The following ZDHHC13 variants were observed in gnomAD, a reference collection of about 807,000 sequenced individuals.
ZDHHC13 encodes the protein palmitoyltransferase ZDHHC13.
ZDHHC13 carries 85 observed loss-of-function variants against 86.0 expected under a neutral mutation model. That is an observed-to-expected ratio of 0.99 (90% CI 0.83 to 1.18). The LOEUF (loss-of-function observed/expected upper bound fraction) is 1.18. Ranked by LOEUF, ZDHHC13 falls within the 50% of genes most tolerant of loss-of-function variation. The pLI is 0.00. For synonymous variants in ZDHHC13, 263 were observed against 246.4 expected (o/e 1.07, Z -0.63); for missense variants, 711 against 730.2 (o/e 0.97, Z 0.30).
intron 16 of ZDHHC13, among the ~76,000 whole-genome samples, chr11:19,175,368 T>C (rs1452206646): frequency 4.3e-4 from 47 of 108,754 alleles, no homozygotes; most frequent in Non-Finnish European, 7.4e-4. Context: ...CCAGCCTGGG[T>C]GACAGAGCGA....
chr11:19,129,358 C>A lies in ZDHHC13; in HGVS notation c.27+12082C>A, dbSNP rs116336107. 6.9e-3 allele frequency among the ~76,000 whole-genome samples: 1,042 copies of A among 152,098 alleles called. 9 individuals carry two copies. The highest frequency in any genetic ancestry group is 0.024 in the African/African-American group (983 of 41,528). On this transcript the variant is annotated intron_variant, in intron 1 of 16. Coordinates refer to ENST00000446113, the MANE Select transcript of ZDHHC13 (RefSeq NM_019028.3). The stretch of plus-strand genomic sequence containing the variant: ...TCTTGGAGTAAAAATGGTCTTGTAC[C>A]ATTCAGTGTGATGGTAGCTGTAGAT...
chr11:19,169,938 C>G, intron 14 of ZDHHC13: 1 of 990,064 alleles, frequency 1.0e-6, no homozygotes, highest in Non-Finnish European at 1.2e-6. Flanking sequence ...TCCCTGCATG[C>G]TATTAGATTG....
intron 4 of ZDHHC13, 27 bp from the exon 5 acceptor site, chr11:19,149,160 G>C: frequency 6.7e-7 from 1 of 1,499,588 alleles, no homozygotes. Flanking sequence ...GCATGCTACA[G>C]AATGGCTTTT....
intron 8 of ZDHHC13, among the ~76,000 whole-genome samples, chr11:19,155,099 G>A (rs1849720150): frequency 6.6e-6 from 1 of 152,154 alleles, no homozygotes; most frequent in Non-Finnish European, 1.5e-5. Flanking sequence ...CAGTGCCCAG[G>A]TTGGAGCTCT....
intron 1 of ZDHHC13, among the ~76,000 whole-genome samples, chr11:19,122,720 A>C (rs1417836508): frequency 1.3e-5 from 2 of 152,148 alleles, no homozygotes; most frequent in Non-Finnish European, 2.9e-5. Context: ...AGAAAAAATA[A>C]ATTTGGTAAA....
chr11:19,121,643 C>A (rs1848760985), intron 1 of ZDHHC13, among the ~76,000 whole-genome samples: 1 of 152,126 alleles, frequency 6.6e-6, no homozygotes, highest in Admixed American at 6.5e-5. Flanking sequence ...TTAGTCTGTT[C>A]TGTTACCTTA....
chr11:19,164,376 A>G lies in ZDHHC13; in HGVS notation c.1296+13A>G. The stretch of plus-strand genomic sequence containing the variant: ...TACATCATGTCTTGTGAGTTTTTTC[A>G]TATAATTTTTTTCCGTAGTGAAAGC... On this transcript the variant is annotated intron_variant, in intron 12 of 16. Coordinates refer to ENST00000446113, the MANE Select transcript of ZDHHC13 (RefSeq NM_019028.3). 1 of 1,611,380 alleles carries G rather than the reference A, an allele frequency of 6.2e-7. No homozygotes were observed. Among genetic ancestry groups the G allele is most frequent in the Non-Finnish European group, 8.5e-7 (1 of 1,178,606 alleles).
chr11:19,176,350 T>C lies in ZDHHC13; in HGVS notation c.*390T>C, dbSNP rs1405358373. On this transcript the variant is annotated 3_prime_UTR_variant, in exon 17 of 17. Coordinates refer to ENST00000446113, the MANE Select transcript of ZDHHC13 (RefSeq NM_019028.3). ...TTTGTCTTTGTTGTATCTATAAATATGTAAAAAATATTTAAATAGATGTAC... is the reference window on the plus strand; with the variant it reads ...TTTGTCTTTGTTGTATCTATAAATACGTAAAAAATATTTAAATAGATGTAC... 1.3e-5 allele frequency: 2 copies of C among 153,552 alleles called. No individual in the cohort carries two copies. The highest frequency in any genetic ancestry group is 1.9e-4 in the East Asian group (1 of 5,222). 9.5% of individuals were successfully genotyped at this position (153,552 alleles called of 1,614,324 possible).
At chr11:19,146,130 T>A (rs1849457308) in intron 2 of ZDHHC13, 51 bp from the exon 3 acceptor site, 3 of 1,504,082 alleles carry the variant, frequency 2.0e-6, no homozygotes, top group Middle Eastern at 3.5e-4. Flanking sequence ...AATTTTGATA[T>A]TTGAAATGAT....
intron 5 of ZDHHC13, 32 bp from the exon 6 acceptor site, chr11:19,150,695 A>G (rs764939615): frequency 3.2e-5 from 51 of 1,578,130 alleles, no homozygotes; most frequent in African/African-American, 5.4e-5. Context: ...GAGTGTATTT[A>G]CAGTTATGCT....
At chr11:19,170,631 C>T in intron 15 of ZDHHC13, 63 bp downstream of exon 15, 1 of 1,416,454 alleles carries the variant, frequency 7.1e-7, no homozygotes, top group Non-Finnish European at 9.4e-7. Context: ...GTGAGACAGC[C>T]TTGAATTTAA....
chr11:19,160,029 G>A (rs781736380), intron 10 of ZDHHC13, among the ~76,000 whole-genome samples: 4 of 151,946 alleles, frequency 2.6e-5, no homozygotes, highest in Non-Finnish European at 4.4e-5. Context: ...TCTGGTAATA[G>A]CATTTCCGAA....
chr11:19,124,123 G>A (rs1848817360), intron 1 of ZDHHC13, among the ~76,000 whole-genome samples: 1 of 152,010 alleles, frequency 6.6e-6, no homozygotes, highest in Non-Finnish European at 1.5e-5. Flanking sequence ...TCTAACCAAA[G>A]GGGAGTGTTG....
chr11:19,149,092 A>G, intron 4 of ZDHHC13, 95 bp from the exon 5 acceptor site: 1 of 1,168,280 alleles, frequency 8.6e-7, no homozygotes, highest in Non-Finnish European at 1.1e-6. Flanking sequence ...TTTTATATGT[A>G]ACCAAAATCC....
chr11:19,166,878 G>C (rs1315831162), intron 14 of ZDHHC13: 1 of 152,682 alleles, frequency 6.5e-6, no homozygotes, highest in East Asian at 1.9e-4. Context: ...ATAGTAACTT[G>C]GAAGAAAACA....
intron 13 of ZDHHC13, among the ~76,000 whole-genome samples, chr11:19,165,645 G>A (rs1205642184): frequency 2.0e-5 from 3 of 152,184 alleles, no homozygotes; most frequent in Admixed American, 6.6e-5. Context: ...CTTCCCTTCT[G>A]TAGAAGTTTC....
intron 8 of ZDHHC13, among the ~76,000 whole-genome samples, chr11:19,154,841 G>A (rs529099130): frequency 6.6e-6 from 1 of 152,142 alleles, no homozygotes; most frequent in Admixed American, 6.5e-5. Flanking sequence ...CCCCTTAAGT[G>A]TTTGTTTTGG....
intron 6 of ZDHHC13, among the ~76,000 whole-genome samples, chr11:19,151,007 AG>A (rs1849593754): frequency 6.6e-6 from 1 of 152,108 alleles, no homozygotes. Flanking sequence ...TTTGGCAAAA[AG>A]TTTGAAAGCT....
chr11:19,143,013 ATT>A lies in ZDHHC13; in HGVS notation c.65_66del (p.Phe22TrpfsTer9). 2.5e-6 allele frequency: 4 copies of A among 1,611,736 alleles called. No individual in the cohort carries two copies. The Admixed American group carries it at 5.0e-5, about 20-fold the overall frequency. ...ACAGCCATGGCCCCCACCCTCCAGG[ATT>A]TGGTCGATATGGCATCTGTGCACAT... is the stretch of plus-strand genomic sequence containing the variant. ...NHSHGPHPPG[F>X]GRYGICAHEN... On this transcript the variant is annotated frameshift_variant, in exon 2 of 17. Coordinates refer to ENST00000446113, the MANE Select transcript of ZDHHC13 (RefSeq NM_019028.3). LOFTEE classifies it high-confidence loss of function.
Sources: allele counts gnomAD v4.1 joint callset (sites outside exome capture counted in the v4.1 genomes callset), GRCh38; gene constraint gnomAD v4.1.1; transcripts MANE v1.5; gene names NCBI Gene and HGNC (gene_info 2026-07-23, HGNC 2026-07-21).